Variants in LARP1 observed in about 807,000 individuals in gnomAD.
The protein encoded by LARP1 is la-related protein 1.
Under a neutral mutation model 122.7 loss-of-function variants are expected in LARP1, and 36 were observed. The ratio of observed to expected loss-of-function variants is 0.29; its 90% CI spans 0.22 to 0.39. LARP1 has a LOEUF of 0.39. Among genes scored for constraint, LARP1 ranks in the 10% least tolerant of loss-of-function variants. LARP1 has a pLI of 1.00. For synonymous variants in LARP1, 539 were observed against 528.7 expected (o/e 1.02, Z -0.27); for missense variants, 1,040 against 1,403.6 (o/e 0.74, Z 4.14).
chr5:154,757,597 C>CA (rs998734801), intron 1 of LARP1, among the ~76,000 whole-genome samples: 1 of 151,998 alleles, frequency 6.6e-6, no homozygotes, highest in African/African-American at 2.4e-5. Flanking sequence ...TTTAAACCAT[C>CA]AAAAATAAAG....
intron 1 of LARP1, among the ~76,000 whole-genome samples, chr5:154,719,861 C>CA (rs11291255): frequency 8.5e-4 from 104 of 122,114 alleles, no homozygotes; most frequent in Non-Finnish European, 1.3e-3. Flanking sequence ...GACTCTGTCT[C>CA]AAAAAAAAAA....
chr5:154,728,594 A>G (rs1393247792), intron 1 of LARP1, among the ~76,000 whole-genome samples: 4 of 152,208 alleles, frequency 2.6e-5, no homozygotes, highest in Non-Finnish European at 5.9e-5. Flanking sequence ...CACCAGACAC[A>G]GTATATGAGT....
intron 7 of LARP1, 142 bp downstream of exon 7, chr5:154,794,404 T>C (rs952777801): frequency 1.3e-6 from 1 of 743,718 alleles, no homozygotes; most frequent in East Asian, 2.7e-5. Flanking sequence ...TCATTGTTTA[T>C]TAAAGAAGTG....
chr5:154,729,057 T>C (rs1756398912), intron 1 of LARP1, among the ~76,000 whole-genome samples: 1 of 152,200 alleles, frequency 6.6e-6, no homozygotes, highest in South Asian at 2.1e-4. Flanking sequence ...CAGATGCTGC[T>C]GGCCATGGTG....
chr5:154,750,082 TTCTCCCAGC>T (rs1753405105), intron 1 of LARP1, among the ~76,000 whole-genome samples: 1 of 152,238 alleles, frequency 6.6e-6, no homozygotes, highest in African/African-American at 2.4e-5. Context: ...TATAAACCAA[TTCTCCCAGC>T]TCTCTAGTCT....
intron 1 of LARP1, among the ~76,000 whole-genome samples, chr5:154,736,462 C>A (rs564981101): frequency 6.6e-6 from 1 of 152,074 alleles, no homozygotes; most frequent in East Asian, 1.9e-4. Context: ...AACTCCTGGC[C>A]TCAAGGGATC....
At chr5:154,687,396 TTG>T (rs1315938068) in intron 1 of LARP1, among the ~76,000 whole-genome samples, 1 of 152,190 alleles carries the variant, frequency 6.6e-6, no homozygotes, top group Non-Finnish European at 1.5e-5. Context: ...GTGTGTGTGT[TTG>T]TGAGACGGAG....
chr5:154,722,397 G>A (rs1257682225), intron 1 of LARP1, among the ~76,000 whole-genome samples: 1 of 151,984 alleles, frequency 6.6e-6, no homozygotes, highest in East Asian at 1.9e-4. Flanking sequence ...GCTGGTGGGT[G>A]GGCAGGAGGA....
chr5:154,766,239 CGAAGA>C (rs1754941011), intron 1 of LARP1, among the ~76,000 whole-genome samples: 1 of 152,124 alleles, frequency 6.6e-6, no homozygotes, highest in Admixed American at 6.5e-5. Flanking sequence ...GGAGAGACAT[CGAAGA>C]TTGTATGTGA....
chr5:154,795,916 A>T (rs1488613589), intron 8 of LARP1, among the ~76,000 whole-genome samples: 63 of 120,432 alleles, frequency 5.2e-4, no homozygotes, highest in African/African-American at 1.9e-3. Flanking sequence ...TATATTTATT[A>T]TATATTTATA....
At chr5:154,764,438 T>C (rs1394171721) in intron 1 of LARP1, among the ~76,000 whole-genome samples, 2 of 149,868 alleles carry the variant, frequency 1.3e-5, no homozygotes, top group East Asian at 4.0e-4. Context: ...AGACCCCATC[T>C]CTTTAAAAAA....
chr5:154,777,688 AGT>A (rs1756031408), intron 1 of LARP1, among the ~76,000 whole-genome samples: 1 of 152,208 alleles, frequency 6.6e-6, no homozygotes, highest in Non-Finnish European at 1.5e-5. Flanking sequence ...AAAATAACAA[AGT>A]GTAACTGAAT....
At chr5:154,765,161 T>C (rs1754831778) in intron 1 of LARP1, among the ~76,000 whole-genome samples, 1 of 152,130 alleles carries the variant, frequency 6.6e-6, no homozygotes, top group African/African-American at 2.4e-5. Flanking sequence ...TGACCTCATC[T>C]TTCATCACTT....
chr5:154,768,576 TTTTA>T (rs201388323), intron 1 of LARP1, among the ~76,000 whole-genome samples: 13 of 151,996 alleles, frequency 8.6e-5, no homozygotes, highest in Non-Finnish European at 1.9e-4. Flanking sequence ...ATTTATTTAT[TTTTA>T]TTTATTTATT....
At chr5:154,724,958 G>C (rs531234387) in intron 1 of LARP1, among the ~76,000 whole-genome samples, 1 of 152,128 alleles carries the variant, frequency 6.6e-6, no homozygotes, top group Non-Finnish European at 1.5e-5. Context: ...GAGCCATCTC[G>C]CCTGGCCACC....
intron 1 of LARP1, among the ~76,000 whole-genome samples, chr5:154,757,629 G>A (rs921993908): frequency 2.6e-5 from 4 of 152,124 alleles, no homozygotes; most frequent in African/African-American, 9.7e-5. Context: ...TGTCTTCACC[G>A]TCAAAGGAGT....
intron 1 of LARP1, among the ~76,000 whole-genome samples, chr5:154,781,597 A>G (rs903657192): frequency 1.3e-5 from 2 of 152,156 alleles, no homozygotes; most frequent in African/African-American, 4.8e-5. Context: ...CCGTCTCAAA[A>G]AAAAGGAAAA....
intron 1 of LARP1, among the ~76,000 whole-genome samples, chr5:154,687,782 T>G (rs931843317): frequency 5.9e-4 from 37 of 62,692 alleles, no homozygotes; most frequent in African/African-American, 4.1e-3. Context: ...CCAGCCAGGA[T>G]AACACGAGAG....
At chr5:154,712,045 G>A (rs912241178), upstream of LARP1, among the ~76,000 whole-genome samples, 11 of 152,150 alleles carry the variant, frequency 7.2e-5, no homozygotes, top group African/African-American at 2.7e-4. Flanking sequence ...CCTCTCTCCA[G>A]AATGTAAACT....
Sources: allele counts gnomAD v4.1 joint callset (sites outside exome capture counted in the v4.1 genomes callset), GRCh38; gene constraint gnomAD v4.1.1; transcripts MANE v1.5; gene names NCBI Gene and HGNC (gene_info 2026-07-23, HGNC 2026-07-21).